Variants in EXOC6B observed in about 807,000 individuals in gnomAD.
EXOC6B encodes SEC15 homolog B.
In EXOC6B, 54 loss-of-function variants were observed where a neutral mutation model predicts 113.5. The observed-to-expected ratio is 0.48, with a 90% CI of 0.38 to 0.60. The LOEUF (loss-of-function observed/expected upper bound fraction) is 0.60, where lower values mean the gene tolerates loss of function less well. Ranked by LOEUF, EXOC6B falls within the 20% of genes least tolerant of loss-of-function variation. The probability of loss-of-function intolerance (pLI) is 0.00; values close to 1 mark genes in which losing one functional copy is unlikely to be tolerated. For synonymous variants in EXOC6B, 357 were observed against 339.0 expected, an observed-to-expected ratio of 1.05 and a Z score of -0.58; for missense variants, 797 against 977.5, an observed-to-expected ratio of 0.82 and a Z score of 2.46.
At chr2:72,430,412 G>T (rs1695456135) in intron 18 of EXOC6B, among the ~76,000 whole-genome samples, 1 of 152,182 alleles carries the variant, frequency 6.6e-6, no homozygotes, top group African/African-American at 2.4e-5. Context: ...AAGGCGGGTG[G>T]ATCACTTGAG....
intron 6 of EXOC6B, among the ~76,000 whole-genome samples, chr2:72,619,032 T>C (rs1671575245): frequency 6.6e-6 from 1 of 152,210 alleles, no homozygotes; most frequent in African/African-American, 2.4e-5. Context: ...AGAAGCTTTG[T>C]TGCTCTTAAA....
chr2:72,443,539 A>G (rs1437098686), intron 18 of EXOC6B, among the ~76,000 whole-genome samples: 2 of 152,148 alleles, frequency 1.3e-5, no homozygotes, highest in African/African-American at 4.8e-5. Flanking sequence ...TACAACATGT[A>G]TTAGTTCATT....
intron 20 of EXOC6B, among the ~76,000 whole-genome samples, chr2:72,265,620 A>G (rs895785124): frequency 6.6e-6 from 1 of 151,634 alleles, no homozygotes; most frequent in Non-Finnish European, 1.5e-5. Flanking sequence ...TCCATGGTGT[A>G]TATGTGCCAC....
intron 6 of EXOC6B, among the ~76,000 whole-genome samples, chr2:72,591,037 C>T (rs1705916346): frequency 6.6e-6 from 1 of 151,852 alleles, no homozygotes; most frequent in Non-Finnish European, 1.5e-5. Flanking sequence ...TTGCAATGTA[C>T]CCAATCTATG....
intron 9 of EXOC6B, 121 bp downstream of exon 9, chr2:72,514,922 G>A (rs1251492172): frequency 3.3e-6 from 3 of 898,998 alleles, no homozygotes; most frequent in Non-Finnish European, 5.2e-6. Flanking sequence ...CACCAAAAGT[G>A]GTCTCAGAAT....
chr2:72,480,479 G>T, intron 17 of EXOC6B, 137 bp downstream of exon 17: 1 of 822,482 alleles, frequency 1.2e-6, no homozygotes, highest in Non-Finnish European at 1.7e-6. Context: ...AATAGAGAAG[G>T]GAAACCAAAC....
chr2:72,264,105 T>C (rs1342889415), intron 20 of EXOC6B, among the ~76,000 whole-genome samples: 1 of 152,210 alleles, frequency 6.6e-6, no homozygotes, highest in Non-Finnish European at 1.5e-5. Context: ...AGAGCAGATG[T>C]CATATACTGT....
chr2:72,562,399 T>C (rs1170985282), intron 7 of EXOC6B, among the ~76,000 whole-genome samples: 1 of 152,134 alleles, frequency 6.6e-6, no homozygotes, highest in African/African-American at 2.4e-5. Flanking sequence ...ATACTAACTC[T>C]CTGTCAAAGC....
intron 1 of EXOC6B, among the ~76,000 whole-genome samples, chr2:72,774,630 G>A (rs1354839938): frequency 6.6e-6 from 1 of 152,140 alleles, no homozygotes; most frequent in Non-Finnish European, 1.5e-5. Context: ...AATGTTCACA[G>A]GAGTTTTATT....
At chr2:72,189,860 C>CTTTCTTTTTTTTTTTTTTTT (rs1553462592) in intron 20 of EXOC6B, among the ~76,000 whole-genome samples, 1 of 87,212 alleles carries the variant, frequency 1.1e-5, no homozygotes, top group Admixed American at 1.3e-4. Context: ...CCTTCTTCTT[C>CTTTCTTTTTTTTTTTTTTTT]TTTTTTTTTT....
At chr2:72,757,558 G>A (rs1005303980) in intron 1 of EXOC6B, among the ~76,000 whole-genome samples, 3 of 152,174 alleles carry the variant, frequency 2.0e-5, no homozygotes, top group Admixed American at 6.5e-5. Flanking sequence ...AGCAGTTTGT[G>A]TAAATTTCTC....
chr2:72,199,607 C>A (rs1036671252), intron 20 of EXOC6B, among the ~76,000 whole-genome samples: 2 of 152,154 alleles, frequency 1.3e-5, no homozygotes, highest in African/African-American at 4.8e-5. Context: ...CTCTCCACCG[C>A]CATTCCCCAT....
intron 11 of EXOC6B, among the ~76,000 whole-genome samples, chr2:72,504,822 T>G (rs1008223331): frequency 2.0e-5 from 3 of 152,214 alleles, no homozygotes; most frequent in African/African-American, 7.2e-5. Context: ...TGTTACCTCA[T>G]TTGGTTCTAA....
At chr2:72,744,548 T>G (rs1018373720) in intron 1 of EXOC6B, among the ~76,000 whole-genome samples, 2 of 152,218 alleles carry the variant, frequency 1.3e-5, no homozygotes, top group Non-Finnish European at 2.9e-5. Flanking sequence ...CATGTAAAGA[T>G]ACTGATTTAC....
chr2:72,716,561 C>A (rs1679632444), intron 6 of EXOC6B, among the ~76,000 whole-genome samples: 2 of 152,066 alleles, frequency 1.3e-5, no homozygotes, highest in African/African-American at 4.8e-5. Flanking sequence ...CAAAAGATTT[C>A]TTCATCATTT....
intron 6 of EXOC6B, among the ~76,000 whole-genome samples, chr2:72,697,142 A>G (rs1027902271): frequency 6.6e-6 from 1 of 151,130 alleles, no homozygotes. Flanking sequence ...ATATAGATAT[A>G]GATATAGATA....
rs1194744447 is a variant in EXOC6B, at chr2:72,307,160, A to AGTTTTT, written c.2196+27781_2196+27786dup. On this transcript the variant is annotated intron_variant, in intron 20 of 21. Transcript: ENST00000272427. ...TTCCATGACTGCAATGGTATAGTCCAGTTTTTTTTTTTTTGAGACGGAGTC... is the reference window on the plus strand; with the variant it reads ...TTCCATGACTGCAATGGTATAGTCCAGTTTTTGTTTTTTTTTTTTTGAGACGGAGTC... 2.3e-4 allele frequency among the ~76,000 whole-genome samples: 25 copies of AGTTTTT among 107,760 alleles called. 2 individuals carry two copies. Among genetic ancestry groups the AGTTTTT allele is most frequent in the African/African-American group, 1.9e-3 (22 of 11,598 alleles). 70.7% of individuals were successfully genotyped at this position (107,760 alleles called of 152,430 possible).
intron 6 of EXOC6B, among the ~76,000 whole-genome samples, chr2:72,581,443 GTT>G (rs1228742822): frequency 6.6e-6 from 1 of 152,156 alleles, no homozygotes; most frequent in Non-Finnish European, 1.5e-5. Context: ...ATGCATGTGT[GTT>G]TCATGTGATA....
intron 18 of EXOC6B, among the ~76,000 whole-genome samples, chr2:72,446,746 C>T (rs1029824610): frequency 1.9e-4 from 29 of 152,114 alleles, no homozygotes; most frequent in African/African-American, 6.5e-4. Flanking sequence ...ACATAACAAA[C>T]CTGCACATAT....
Sources: gnomAD v4.1 joint callset for allele counts (sites outside exome capture counted in the v4.1 genomes callset) on GRCh38, gnomAD v4.1.1 for gene constraint, MANE v1.5 for transcripts, NCBI Gene and HGNC (gene_info 2026-07-23, HGNC 2026-07-21) for gene names.